Variants in DACH2 observed in about 807,000 individuals in gnomAD.
DACH2 encodes dachshund family transcription factor 2.
In DACH2, 17 loss-of-function variants were observed where a neutral mutation model predicts 35.8. That is an observed-to-expected ratio of 0.48 (90% CI 0.33 to 0.71). DACH2 has a LOEUF of 0.71. Ranked by LOEUF, DACH2 falls within the 30% of genes least tolerant of loss-of-function variation. The pLI, the probability that DACH2 is intolerant of heterozygous loss-of-function variation, is 0.02. For synonymous variants in DACH2, 195 were observed against 177.3 expected, an observed-to-expected ratio of 1.10 and a Z score of -0.79; for missense variants, 469 against 472.7, an observed-to-expected ratio of 0.99 and a Z score of 0.07.
At chrX:86,597,842 CAGGCACATA>C (rs746847230) in intron 3 of DACH2, among the ~76,000 whole-genome samples, 17 of 111,767 alleles carry the variant, frequency 1.5e-4, no homozygotes, top group Non-Finnish European at 9.4e-5. Context: ...GCTGTAATTT[CAGGCACATA>C]TATTGTATTA....
intron 1 of DACH2, among the ~76,000 whole-genome samples, chrX:86,324,260 A>G (rs1274655472): frequency 8.9e-6 from 1 of 112,100 alleles, no homozygotes; most frequent in Non-Finnish European, 1.9e-5. Flanking sequence ...GAGCCTGAAT[A>G]TGTGACTGAA....
intron 1 of DACH2, among the ~76,000 whole-genome samples, chrX:86,221,948 G>T (rs1454246409): frequency 8.9e-6 from 1 of 112,079 alleles, no homozygotes; most frequent in African/African-American, 3.2e-5. Context: ...GTGTGTACAT[G>T]CTGGGAGAGA....
chrX:86,755,161 C>A (rs1430124481), intron 7 of DACH2, among the ~76,000 whole-genome samples: 1 of 111,355 alleles, frequency 9.0e-6, no homozygotes, highest in Non-Finnish European at 1.9e-5. Flanking sequence ...TTTGATTTGC[C>A]TACTTTGTGA....
At chrX:86,216,217 T>C (rs1489367633) in intron 1 of DACH2, among the ~76,000 whole-genome samples, 2 of 112,182 alleles carry the variant, frequency 1.8e-5, no homozygotes, top group East Asian at 2.8e-4. Flanking sequence ...AGATATGTAT[T>C]TTTTAAATTA....
At position 86,738,837 on chromosome X, in the gene DACH2, G is replaced by GA. The variant is rs199981215; in HGVS notation, c.1105-902dup. Among the ~76,000 whole-genome samples, 1,059 of 110,528 alleles carry GA rather than the reference G, an allele frequency of 9.6e-3. 14 individuals carry two copies. The highest frequency in any genetic ancestry group is 0.033 in the African/African-American group (991 of 30,437). On this transcript the variant is annotated intron_variant, in intron 6 of 11. Transcript: ENST00000373125. The stretch of plus-strand genomic sequence containing the variant: ...CCTTGATAGATCATAGTGTAAGTTT[G>GA]AAAAAAAACAATAATGGTGTACTGT...
chrX:86,808,971 C>A (rs927391588), intron 7 of DACH2, among the ~76,000 whole-genome samples: 6 of 111,604 alleles, frequency 5.4e-5, no homozygotes, highest in African/African-American at 1.9e-4. Flanking sequence ...TACAAAAGTT[C>A]TTGTCAACTT....
At chrX:86,582,626 T>A (rs907031869) in intron 3 of DACH2, among the ~76,000 whole-genome samples, 1 of 110,267 alleles carries the variant, frequency 9.1e-6, no homozygotes, top group Non-Finnish European at 1.9e-5. Flanking sequence ...AATGAATATA[T>A]TCCTGGAAAC....
Position 86,422,459 on chromosome X carries a change from T to C in DACH2, c.527+45597T>C, listed in dbSNP as rs185131615. Among the ~76,000 whole-genome samples the C allele has an allele frequency of 7.2e-3, 804 of 111,024 alleles. 6 individuals are homozygous for C. The highest frequency in any genetic ancestry group is 0.025 in the African/African-American group (765 of 30,684). ...CTTGTGAGGAAAGTTTACCCTATAA[T>C]TGGCTGTCTCTCATACATGAAAATC... On this transcript the variant is annotated intron_variant, in intron 2 of 11. Transcript: ENST00000373125.
intron 1 of DACH2, among the ~76,000 whole-genome samples, chrX:86,207,131 A>G (rs1036852480): frequency 9.0e-6 from 1 of 111,281 alleles, no homozygotes; most frequent in Non-Finnish European, 1.9e-5. Context: ...GAAGAATCCC[A>G]TGAACAAAGA....
chrX:86,757,775 C>A (rs2041843084), intron 7 of DACH2, among the ~76,000 whole-genome samples: 1 of 112,129 alleles, frequency 8.9e-6, no homozygotes, highest in African/African-American at 3.2e-5. Context: ...TCTTAGCCTT[C>A]CACCATGATT....
At chrX:86,779,506 C>A (rs1171682780) in intron 7 of DACH2, among the ~76,000 whole-genome samples, 1 of 111,505 alleles carries the variant, frequency 9.0e-6, no homozygotes, top group African/African-American at 3.3e-5. Flanking sequence ...AGATGGAAAG[C>A]CACTGAAGGA....
intron 2 of DACH2, among the ~76,000 whole-genome samples, chrX:86,472,175 A>C (rs936749717): frequency 5.4e-5 from 6 of 112,039 alleles, no homozygotes; most frequent in African/African-American, 1.9e-4. Context: ...TAAGATGGGA[A>C]TAACAGCTCT....
At chrX:86,331,294 A>C (rs1272681353) in intron 1 of DACH2, among the ~76,000 whole-genome samples, 3 of 111,204 alleles carry the variant, frequency 2.7e-5, no homozygotes, top group Non-Finnish European at 5.7e-5. Flanking sequence ...CCATTGACAC[A>C]AACTAACCCA....
At chrX:86,721,873 A>T (rs2041410766) in intron 6 of DACH2, among the ~76,000 whole-genome samples, 1 of 111,604 alleles carries the variant, frequency 9.0e-6, no homozygotes, top group Non-Finnish European at 1.9e-5. Context: ...CCAGCAGTGG[A>T]AATGAATGCC....
intron 1 of DACH2, among the ~76,000 whole-genome samples, chrX:86,226,886 C>T (rs773230485): frequency 1.8e-5 from 2 of 111,143 alleles, no homozygotes; most frequent in African/African-American, 3.3e-5. Context: ...GCAAATAACA[C>T]TAATTTCCTA....
At chrX:86,715,029 G>A (rs1323769024) in intron 6 of DACH2, among the ~76,000 whole-genome samples, 2 of 111,587 alleles carry the variant, frequency 1.8e-5, no homozygotes, top group African/African-American at 6.5e-5. Flanking sequence ...TCCCATAGCT[G>A]GGGTGAAACA....
intron 7 of DACH2, among the ~76,000 whole-genome samples, chrX:86,770,424 T>C: frequency 8.9e-6 from 1 of 111,896 alleles, no homozygotes. Context: ...GACTTCCCTC[T>C]GGTTTCTCCA....
intron 3 of DACH2, among the ~76,000 whole-genome samples, chrX:86,602,785 AT>A (rs2039806078): frequency 9.0e-6 from 1 of 111,080 alleles, no homozygotes; most frequent in Admixed American, 9.6e-5. Context: ...TCGTCTTTTT[AT>A]TTTGTAACAG....
chrX:86,759,530 C>A (rs2041859564), intron 7 of DACH2, among the ~76,000 whole-genome samples: 1 of 105,796 alleles, frequency 9.5e-6, no homozygotes, highest in Non-Finnish European at 1.9e-5. Context: ...AGATGAGTTT[C>A]TCATAGGCAG....
Sources: allele counts gnomAD v4.1 joint callset (sites outside exome capture counted in the v4.1 genomes callset), GRCh38; gene constraint gnomAD v4.1.1; transcripts MANE v1.5; gene names NCBI Gene and HGNC (gene_info 2026-07-23, HGNC 2026-07-21).